ALDH1A2: variants seen among roughly 807,000 people sequenced by gnomAD.
ALDH1A2 encodes the protein aldehyde dehydrogenase 1 family member A2.
A neutral mutation model predicts 60.3 loss-of-function variants in ALDH1A2; 27 were observed. That is an observed-to-expected ratio of 0.45 (90% CI 0.33 to 0.62). The LOEUF (loss-of-function observed/expected upper bound fraction) is 0.62, where lower values mean the gene tolerates loss of function less well. ALDH1A2 is among the 20% of genes least tolerant of loss of function. The pLI is 0.02. For synonymous variants in ALDH1A2, 289 were observed against 232.4 expected, an observed-to-expected ratio of 1.24 and a Z score of -2.21; for missense variants, 581 against 643.8, an observed-to-expected ratio of 0.90 and a Z score of 1.06.
intron 1 of ALDH1A2, among the ~76,000 whole-genome samples, chr15:58,053,463 T>C (rs552556792): frequency 1.4e-4 from 21 of 152,256 alleles, no homozygotes; most frequent in African/African-American, 4.1e-4. Context: ...AAGGCCCTCA[T>C]CTCCGTAGCA....
At chr15:57,967,254 C>T (rs1042651821) in intron 7 of ALDH1A2, among the ~76,000 whole-genome samples, 1 of 151,632 alleles carries the variant, frequency 6.6e-6, no homozygotes, top group Non-Finnish European at 1.5e-5. Flanking sequence ...AGCCTTGGAT[C>T]CTCCTCTGTA....
In ALDH1A2 at chr15:57,965,773, G is replaced by C. The variant is rs1893874706; in HGVS notation, c.853C>G (p.Leu285Val). 6.2e-7 allele frequency: 1 copy of C among 1,614,202 alleles called. No individual in the cohort carries two copies. Among genetic ancestry groups the C allele is most frequent in the Non-Finnish European group, 8.5e-7 (1 of 1,180,012 alleles). ...AGRSNLKRVT[L>V]ELGGKSPNII... The stretch of plus-strand genomic sequence containing the variant: ...TTAGGACTTTTGCCTCCAAGTTCCA[G>C]AGTTACTCTCTTCAAATTACTTCTT... Residue 285 changes from leucine to valine, a missense_variant, in exon 8 of 13, where the codon CTG (leucine) becomes GTG (valine). Coordinates refer to ENST00000249750, the MANE Select transcript of ALDH1A2 (RefSeq NM_003888.4).
intron 4 of ALDH1A2, among the ~76,000 whole-genome samples, chr15:57,995,412 G>A (rs1895024021): frequency 6.6e-6 from 1 of 151,936 alleles, no homozygotes; most frequent in Non-Finnish European, 1.5e-5. Context: ...GAAGTCCTCA[G>A]GGTGGCAGAG....
At chr15:58,003,526 G>GT (rs1411254929) in intron 4 of ALDH1A2, among the ~76,000 whole-genome samples, 16 of 151,820 alleles carry the variant, frequency 1.1e-4, no homozygotes, top group Non-Finnish European at 2.2e-4. Flanking sequence ...CTAACATATC[G>GT]TAAGTCCATT....
chr15:58,024,970 A>C (rs1267208543), intron 1 of ALDH1A2, among the ~76,000 whole-genome samples: 3 of 152,180 alleles, frequency 2.0e-5, no homozygotes, highest in African/African-American at 7.2e-5. Flanking sequence ...AGAAATTTAA[A>C]AACTTCTTGA....
intron 7 of ALDH1A2, among the ~76,000 whole-genome samples, chr15:57,986,149 C>CA (rs1233888724): frequency 2.6e-5 from 4 of 152,132 alleles, no homozygotes; most frequent in Non-Finnish European, 4.4e-5. Flanking sequence ...CCATTATAAA[C>CA]AACTAGAAAA....
At chr15:57,976,290 A>AT (rs1398222782) in intron 7 of ALDH1A2, among the ~76,000 whole-genome samples, 2 of 152,168 alleles carry the variant, frequency 1.3e-5, no homozygotes, top group Non-Finnish European at 2.9e-5. Flanking sequence ...CCAGCACTGT[A>AT]TTTTTTAAAA....
At position 57,955,132 on chromosome 15, in the gene ALDH1A2, G is replaced by C; in HGVS notation, c.*65C>G. On this transcript the variant is annotated 3_prime_UTR_variant, in exon 13 of 13. Coordinates refer to ENST00000249750, the MANE Select transcript of ALDH1A2 (RefSeq NM_003888.4). ...TCAACTTTGTATTCCTGAGAGCTGG[G>C]CCCTACAGAGAAAGCAGAGAGGGAC... 2.0e-6 allele frequency: 3 copies of C among 1,477,324 alleles called. No individual in the cohort carries two copies. The highest frequency in any genetic ancestry group is 2.8e-6 in the Non-Finnish European group (3 of 1,055,314). The allele number at this position is 1,477,324 out of a possible 1,614,324, so 91.5% of individuals were successfully genotyped here.
intron 4 of ALDH1A2, among the ~76,000 whole-genome samples, chr15:58,006,992 C>A (rs1895480801): frequency 6.6e-6 from 1 of 151,420 alleles, no homozygotes; most frequent in East Asian, 1.9e-4. Context: ...GTCTAGTGTT[C>A]CTAAGTGCAA....
At chr15:57,981,158 A>C (rs1314817769) in intron 7 of ALDH1A2, among the ~76,000 whole-genome samples, 1 of 152,110 alleles carries the variant, frequency 6.6e-6, no homozygotes, top group African/African-American at 2.4e-5. Context: ...CTTTTCAAAA[A>C]ACCAGCTCCT....
chr15:58,004,957 A>G (rs567725529), intron 4 of ALDH1A2, among the ~76,000 whole-genome samples: 2 of 151,856 alleles, frequency 1.3e-5, no homozygotes, highest in South Asian at 4.1e-4. Flanking sequence ...CATACTTTCC[A>G]AAGCAATATA....
rs760119677 is a variant in ALDH1A2, at chr15:58,010,671, A to G, written c.471T>C (p.Ile157=). 1.9e-6 allele frequency: 3 copies of G among 1,613,356 alleles called. No individual in the cohort carries two copies. The change falls in exon 4 of 13, where the codon ATT becomes ATC. Residue 157 remains isoleucine (I), a synonymous_variant. Transcript: ENST00000249750. ...FRYYAGWADK[I]HGMTIPVDGD... is the part of the protein sequence containing the mutation. ...TACCTACAGGAATGGTCATCCCATG[A>G]ATTTTATCAGCCCAGCCTGCGTAAT...
At chr15:58,054,920 T>A (rs1289218384) in intron 1 of ALDH1A2, among the ~76,000 whole-genome samples, 1 of 152,146 alleles carries the variant, frequency 6.6e-6, no homozygotes. Flanking sequence ...CTCCTTTTTT[T>A]AAATTCATAC....
At chr15:58,059,671 C>A (rs1476014628) in intron 1 of ALDH1A2, among the ~76,000 whole-genome samples, 1 of 152,016 alleles carries the variant, frequency 6.6e-6, no homozygotes, top group Non-Finnish European at 1.5e-5. Flanking sequence ...TATTTTGGCA[C>A]AAATGTCAAG....
chr15:58,034,191 ATATTT>A (rs2140545726), intron 1 of ALDH1A2, among the ~76,000 whole-genome samples: 1 of 151,686 alleles, frequency 6.6e-6, no homozygotes, highest in African/African-American at 2.4e-5. Context: ...ATAAATGTAC[ATATTT>A]TATTATATTT....
In ALDH1A2 at chr15:58,017,923, G is replaced by A. The variant is rs1461075630; in HGVS notation, c.118-3642C>T. Among the ~76,000 whole-genome samples, 5 of 152,072 alleles carry A rather than the reference G, an allele frequency of 3.3e-5. No homozygotes were observed. In the East Asian group the frequency reaches 9.6e-4, roughly 29 times the overall value. The stretch of plus-strand genomic sequence containing the variant: ...ATTTTACTACATTATTATTTTTGTA[G>A]ACCTAGTCTTATAAAATGACACTTA... On this transcript the variant is annotated intron_variant, in intron 1 of 12. Transcript: ENST00000249750.
intron 1 of ALDH1A2, 36 bp from the exon 2 acceptor site, chr15:58,014,317 CAGGTGATA>C (rs1355203718): frequency 1.3e-6 from 2 of 1,535,710 alleles, no homozygotes; most frequent in Non-Finnish European, 1.8e-6. Flanking sequence ...ATCTGTGACA[CAGGTGATA>C]AGCAGCCAGT....
At chr15:57,965,617 C>A in intron 8 of ALDH1A2, 108 bp downstream of exon 8, 2 of 886,080 alleles carry the variant, frequency 2.3e-6, no homozygotes, top group South Asian at 1.3e-5. Context: ...TTTTTGATTG[C>A]CCTTAGCTTC....
intron 7 of ALDH1A2, among the ~76,000 whole-genome samples, chr15:57,987,336 C>T (rs1457246449): frequency 6.6e-6 from 1 of 151,842 alleles, no homozygotes; most frequent in Non-Finnish European, 1.5e-5. Context: ...TTTTAACGAA[C>T]CAACAAAATA....
Sources: allele counts gnomAD v4.1 joint callset (sites outside exome capture counted in the v4.1 genomes callset), GRCh38; gene constraint gnomAD v4.1.1; transcripts MANE v1.5; gene names NCBI Gene and HGNC (gene_info 2026-07-23, HGNC 2026-07-21).